MED12L: variants seen among roughly 807,000 people sequenced by gnomAD.
MED12L encodes mediator complex subunit 12L, also known as mediator of RNA polymerase II transcription subunit 12-like protein.
MED12L carries 60 observed loss-of-function variants against 281.3 expected under a neutral mutation model. The ratio of observed to expected loss-of-function variants is 0.21; its 90% confidence interval spans 0.17 to 0.26. MED12L has a LOEUF of 0.26. Ranked by LOEUF, MED12L falls within the 10% of genes least tolerant of loss-of-function variation. The probability of loss-of-function intolerance (pLI) is 1.00; values close to 1 mark genes in which losing one functional copy is unlikely to be tolerated. For synonymous variants in MED12L, 974 were observed against 987.2 expected, an observed-to-expected ratio of 0.99 and a Z score of 0.25; for missense variants, 2,146 against 2,680.9, an observed-to-expected ratio of 0.80 and a Z score of 4.41.
At position 151,436,446 on chromosome 3, in the gene MED12L, T is replaced by C. The variant is rs1720225510; in HGVS notation, c.*3642T>C. On this transcript the variant is annotated 3_prime_UTR_variant, in exon 45 of 45. Coordinates refer to ENST00000687756, the MANE Select transcript of MED12L (RefSeq NM_001393769.1). ...ATAGTGAACCGTTTCAATGTTTGTT[T>C]ATTGTTATTTGTTGGCAAAATAAAA... 7.9e-6 allele frequency: 3 copies of C among 379,018 alleles called. No homozygotes were observed. The South Asian group carries it at 1.3e-4, about 16-fold the overall frequency. 23.5% of individuals were successfully genotyped at this position (379,018 alleles called of 1,614,324 possible).
At chr3:151,129,534 G>T (rs1449937808) in intron 5 of MED12L, among the ~76,000 whole-genome samples, 1 of 151,910 alleles carries the variant, frequency 6.6e-6, no homozygotes, top group Non-Finnish European at 1.5e-5. Context: ...TACAAAAGAA[G>T]TGCCCCTTTT....
Position 151,382,764 on chromosome 3 carries a change from A to AT in MED12L, c.4680+23dup, listed in dbSNP as rs748478045. 3 of 1,587,642 alleles carry AT rather than the reference A, an allele frequency of 1.9e-6. No individual in the cohort carries two copies. The highest frequency in any genetic ancestry group is 1.7e-5 in the Admixed American group (1 of 58,398). ...AAATTTGGTAAGTGACATTTCTAGTATTTTCCCTCCATTAAACATATTTAC... is the reference window on the plus strand; with the variant it reads ...AAATTTGGTAAGTGACATTTCTAGTATTTTTCCCTCCATTAAACATATTTAC... On this transcript the variant is annotated intron_variant, in intron 33 of 44. Transcript: ENST00000687756.
chr3:151,333,406 T>G (rs938074512), intron 16 of MED12L, among the ~76,000 whole-genome samples: 79 of 152,332 alleles, frequency 5.2e-4, no homozygotes, highest in African/African-American at 1.7e-3. Context: ...CACCAGTATC[T>G]GTTATTTTTT....
intron 16 of MED12L, among the ~76,000 whole-genome samples, chr3:151,278,720 G>T (rs1352947802): frequency 6.6e-6 from 1 of 152,192 alleles, no homozygotes; most frequent in Non-Finnish European, 1.5e-5. Context: ...TGATGTGTAA[G>T]ATATGGTTCT....
chr3:151,430,526 A>T, intron 44 of MED12L, 146 bp downstream of exon 44: 1 of 1,317,606 alleles, frequency 7.6e-7, no homozygotes, highest in Non-Finnish European at 1.0e-6. Flanking sequence ...AGGTATTTTC[A>T]TTCTGTCTTC....
At chr3:151,391,509 G>T (rs1560117526) in intron 38 of MED12L, among the ~76,000 whole-genome samples, 1 of 151,984 alleles carries the variant, frequency 6.6e-6, no homozygotes, top group African/African-American at 2.4e-5. Context: ...CAATCTTTTG[G>T]CTTCCTTGGG....
intron 5 of MED12L, among the ~76,000 whole-genome samples, chr3:151,142,912 GCTCTAAAGC>G (rs1475847600): frequency 6.6e-6 from 1 of 151,874 alleles, no homozygotes; most frequent in Non-Finnish European, 1.5e-5. Context: ...GAATAACATG[GCTCTAAAGC>G]CTGATTCAAA....
intron 5 of MED12L, among the ~76,000 whole-genome samples, chr3:151,144,941 G>T (rs1405995041): frequency 6.6e-6 from 1 of 152,120 alleles, no homozygotes; most frequent in African/African-American, 2.4e-5. Flanking sequence ...TTCACCTAAG[G>T]TTACTTCCTC....
chr3:151,345,865 T>G (rs1384200317), intron 16 of MED12L, among the ~76,000 whole-genome samples: 1 of 152,132 alleles, frequency 6.6e-6, no homozygotes, highest in South Asian at 2.1e-4. Context: ...TCTTGTAGGC[T>G]CTTGAAAAAT....
intron 4 of MED12L, among the ~76,000 whole-genome samples, chr3:151,126,936 A>G (rs186632141): frequency 1.1e-4 from 17 of 152,314 alleles, no homozygotes; most frequent in Admixed American, 4.6e-4. Context: ...AGTGGAGTAC[A>G]GAGGGGGTCA....
intron 11 of MED12L, among the ~76,000 whole-genome samples, chr3:151,169,790 A>G (rs1250111020): frequency 6.6e-6 from 1 of 151,940 alleles, no homozygotes; most frequent in East Asian, 1.9e-4. Flanking sequence ...TTTTGTTTTC[A>G]TAATTCATTC....
intron 17 of MED12L, among the ~76,000 whole-genome samples, chr3:151,354,140 CA>C (rs63033360): frequency 0.22 from 13,812 of 61,716 alleles, 189 homozygotes; most frequent in South Asian, 0.28. Context: ...GACTCCGTCT[CA>C]AAAAAAAAAA....
At chr3:151,171,657 G>A (rs1451559551) in intron 11 of MED12L, among the ~76,000 whole-genome samples, 1 of 152,220 alleles carries the variant, frequency 6.6e-6, no homozygotes, top group African/African-American at 2.4e-5. Flanking sequence ...TTGAAAGGTT[G>A]TGATGAGTTC....
At chr3:151,264,068 G>A (rs1194899215) in intron 16 of MED12L, among the ~76,000 whole-genome samples, 1 of 152,100 alleles carries the variant, frequency 6.6e-6, no homozygotes, top group Non-Finnish European at 1.5e-5. Context: ...TTTCTTTTGA[G>A]TAGTTCTACT....
intron 16 of MED12L, among the ~76,000 whole-genome samples, chr3:151,320,280 C>G (rs1441117320): frequency 6.6e-6 from 1 of 152,136 alleles, no homozygotes; most frequent in African/African-American, 2.4e-5. Context: ...CTTTATAGTA[C>G]ACTAACTTGT....
intron 11 of MED12L, among the ~76,000 whole-genome samples, chr3:151,169,646 G>C (rs934506731): frequency 3.3e-5 from 5 of 152,092 alleles, no homozygotes; most frequent in Non-Finnish European, 5.9e-5. Flanking sequence ...TTTAAAAATT[G>C]TTAACAATAA....
chr3:151,087,744 C>G (rs995096510), intron 2 of MED12L, among the ~76,000 whole-genome samples: 6 of 152,158 alleles, frequency 3.9e-5, no homozygotes, highest in African/African-American at 1.4e-4. Context: ...CTTGCACCAG[C>G]TACATTAGCT....
At chr3:151,140,775 G>A (rs1716816831) in intron 5 of MED12L, among the ~76,000 whole-genome samples, 1 of 152,118 alleles carries the variant, frequency 6.6e-6, no homozygotes, top group Admixed American at 6.5e-5. Flanking sequence ...TGCCTCCCGG[G>A]TTCAAGTCAT....
chr3:151,311,695 T>C (rs77952006), intron 16 of MED12L, among the ~76,000 whole-genome samples: 1 of 152,324 alleles, frequency 6.6e-6, no homozygotes, highest in African/African-American at 2.4e-5. Context: ...TTCATCATGA[T>C]ATGTAGCACT....
Sources: allele counts gnomAD v4.1 joint callset (sites outside exome capture counted in the v4.1 genomes callset), GRCh38; gene constraint gnomAD v4.1.1; transcripts MANE v1.5; gene names NCBI Gene and HGNC (gene_info 2026-07-23, HGNC 2026-07-21).